EXOC2: variants seen among roughly 807,000 people sequenced by gnomAD.
The protein encoded by EXOC2 is SEC5-like 1.
EXOC2 carries 70 observed loss-of-function variants against 131.8 expected under a neutral mutation model. That is an observed-to-expected ratio of 0.53 (90% CI 0.44 to 0.65). The LOEUF (loss-of-function observed/expected upper bound fraction) is 0.65, where lower values mean the gene tolerates loss of function less well. EXOC2 is among the 30% of genes least tolerant of loss of function. The pLI, the probability that EXOC2 is intolerant of heterozygous loss-of-function variation, is 0.00. For synonymous variants in EXOC2, 411 were observed against 398.4 expected, an observed-to-expected ratio of 1.03 and a Z score of -0.38; for missense variants, 923 against 1,108.6, an observed-to-expected ratio of 0.83 and a Z score of 2.38.
intron 11 of EXOC2, among the ~76,000 whole-genome samples, chr6:579,155 C>A (rs1001342168): frequency 6.6e-6 from 1 of 152,046 alleles, no homozygotes; most frequent in East Asian, 1.9e-4. Context: ...CCTGAAAATA[C>A]GCATATACCA....
At chr6:537,853 C>A (rs908525996) in intron 22 of EXOC2, among the ~76,000 whole-genome samples, 1 of 152,186 alleles carries the variant, frequency 6.6e-6, no homozygotes, top group Non-Finnish European at 1.5e-5. Context: ...GCATGGAACT[C>A]CACGTAAAGT....
At chr6:633,169 C>T in intron 2 of EXOC2, 52 bp from the exon 3 acceptor site, 1 of 1,575,116 alleles carries the variant, frequency 6.3e-7, no homozygotes, top group Non-Finnish European at 8.6e-7. Flanking sequence ...AACAATAAGA[C>T]CTTAATCGTG....
rs371459445 is a variant in EXOC2 at position 532,376 on chromosome 6, G to A, written c.2380+93C>T. 5 of 1,270,036 alleles carry A rather than the reference G, an allele frequency of 3.9e-6. No homozygotes were observed. In the African/African-American group the frequency reaches 4.6e-5, roughly 12 times the overall value. The allele number at this position is 1,270,036 out of a possible 1,614,324, so 78.7% of individuals were successfully genotyped here. ...TTAATCTCTCACTCTCAGTAGATAT[G>A]AGAAAAATGAGAATAAAATGAAAAG... On this transcript the variant is annotated intron_variant, in intron 23 of 27. Coordinates refer to ENST00000230449, the MANE Select transcript of EXOC2 (RefSeq NM_018303.6).
intron 23 of EXOC2, among the ~76,000 whole-genome samples, chr6:514,152 C>T (rs1765006290): frequency 6.6e-6 from 1 of 152,184 alleles, no homozygotes; most frequent in Non-Finnish European, 1.5e-5. Flanking sequence ...GTCTTCTCTG[C>T]CTCTTCCAGG....
At position 653,458 on chromosome 6, in the gene EXOC2, G is replaced by C. The variant is rs796871007; in HGVS notation, c.-43-15597C>G. Reference sequence around the variant, plus strand: ...TTTATTGCTGATATGGAGAAAGTGTGAGTGATCTAGATTGAAGATAAACCA... The same window carrying C: ...TTTATTGCTGATATGGAGAAAGTGTCAGTGATCTAGATTGAAGATAAACCA... On this transcript the variant is annotated intron_variant, in intron 1 of 27. Coordinates refer to ENST00000230449, the MANE Select transcript of EXOC2 (RefSeq NM_018303.6). 9.2e-5 allele frequency among the ~76,000 whole-genome samples: 14 copies of C among 152,340 alleles called. 1 individual carries two copies. Among genetic ancestry groups the C allele is most frequent in the African/African-American group, 3.4e-4 (14 of 41,586 alleles).
chr6:562,005 G>A (rs1757724801), intron 17 of EXOC2, among the ~76,000 whole-genome samples: 1 of 152,240 alleles, frequency 6.6e-6, no homozygotes, highest in Non-Finnish European at 1.5e-5. Context: ...AGAGTTGCAA[G>A]TTATGGCTCC....
At chr6:655,059 G>A (rs551121108) in intron 1 of EXOC2, among the ~76,000 whole-genome samples, 1 of 152,260 alleles carries the variant, frequency 6.6e-6, no homozygotes, top group African/African-American at 2.4e-5. Flanking sequence ...TGAGAGGACT[G>A]TTTTGAAAGA....
chr6:548,825 A>G (rs538317546), intron 22 of EXOC2, among the ~76,000 whole-genome samples: 2 of 152,352 alleles, frequency 1.3e-5, no homozygotes, highest in South Asian at 4.1e-4. Flanking sequence ...GCGTTCACCT[A>G]AAAGGAGTCA....
intron 12 of EXOC2, among the ~76,000 whole-genome samples, chr6:573,299 G>A (rs1273942355): frequency 1.3e-5 from 2 of 152,342 alleles, no homozygotes; most frequent in East Asian, 3.9e-4. Flanking sequence ...ACAGGTTCAT[G>A]GGAATAAAGC....
At chr6:490,304 G>A (rs1197619821) in intron 26 of EXOC2, among the ~76,000 whole-genome samples, 1 of 152,154 alleles carries the variant, frequency 6.6e-6, no homozygotes, top group Non-Finnish European at 1.5e-5. Flanking sequence ...CATGAAGTGT[G>A]CACACATCCA....
chr6:615,226 T>C (rs970842255), intron 6 of EXOC2, among the ~76,000 whole-genome samples: 2 of 151,770 alleles, frequency 1.3e-5, no homozygotes, highest in African/African-American at 4.8e-5. Flanking sequence ...TGTGTATACA[T>C]ACATATTTAT....
intron 7 of EXOC2, among the ~76,000 whole-genome samples, chr6:599,579 T>TAC (rs1760013630): frequency 6.6e-6 from 1 of 152,192 alleles, no homozygotes; most frequent in African/African-American, 2.4e-5. Flanking sequence ...AACACACACA[T>TAC]ACGCATGTAT....
At chr6:525,263 C>G (rs747679687) in intron 23 of EXOC2, 2 of 152,164 alleles carry the variant, frequency 1.3e-5, no homozygotes, top group Non-Finnish European at 2.9e-5. Flanking sequence ...TAAAAACTTT[C>G]TAAGTGTAAG....
intron 1 of EXOC2, among the ~76,000 whole-genome samples, chr6:640,469 T>G (rs1220472731): frequency 6.6e-6 from 1 of 152,220 alleles, no homozygotes; most frequent in Non-Finnish European, 1.5e-5. Flanking sequence ...GCCTGAATTA[T>G]GCCCACCCAC....
At chr6:630,272 T>C (rs1008798729) in intron 3 of EXOC2, among the ~76,000 whole-genome samples, 1 of 152,182 alleles carries the variant, frequency 6.6e-6, no homozygotes, top group Non-Finnish European at 1.5e-5. Flanking sequence ...TTACAAATAA[T>C]AAACACTACA....
At chr6:593,095 T>C (rs1339950238) in intron 10 of EXOC2, among the ~76,000 whole-genome samples, 1 of 152,148 alleles carries the variant, frequency 6.6e-6, no homozygotes, top group Admixed American at 6.5e-5. Flanking sequence ...TTTTTTCATA[T>C]AAATGATAAA....
rs760235973 is a variant in EXOC2, at chr6:592,486, T to C, written c.1175A>G (p.Tyr392Cys). 12 of 1,613,878 alleles carry C rather than the reference T, an allele frequency of 7.4e-6. No individual in the cohort carries two copies. Among genetic ancestry groups the C allele is most frequent in the East Asian group, 2.2e-5 (1 of 44,870 alleles). Reference sequence around the variant, plus strand: ...ATCCTTGCCTTTCAGATCTTTCACGTAGCCCTCTTTGCAACTGTGCATGAG... The same window carrying C: ...ATCCTTGCCTTTCAGATCTTTCACGCAGCCCTCTTTGCAACTGTGCATGAG... ...LQLMHSCKEG[Y>C]VKDLKGNPGL... The change falls in exon 11 of 28, where the codon TAC (tyrosine) becomes TGC (cysteine). Residue 392 changes from tyrosine (Y) to cysteine (C), a missense_variant. By Grantham distance (194) the Tyr-to-Cys change is radical. Transcript: ENST00000230449.
At chr6:582,075 T>TA (rs1561885740) in intron 11 of EXOC2, among the ~76,000 whole-genome samples, 1 of 152,202 alleles carries the variant, frequency 6.6e-6, no homozygotes, top group African/African-American at 2.4e-5. Flanking sequence ...AATCAAAAAT[T>TA]TAAAATTTAT....
chr6:584,806 G>A (rs1469134558), intron 11 of EXOC2, among the ~76,000 whole-genome samples: 1 of 152,218 alleles, frequency 6.6e-6, no homozygotes. Flanking sequence ...TTCTAATTAA[G>A]TGCATCTCTG....
Sources: allele counts gnomAD v4.1 joint callset (sites outside exome capture counted in the v4.1 genomes callset), GRCh38; gene constraint gnomAD v4.1.1; transcripts MANE v1.5; gene names NCBI Gene and HGNC (gene_info 2026-07-23, HGNC 2026-07-21).